The following NANP variants were observed in gnomAD, a reference collection of about 807,000 sequenced individuals.
NANP encodes the protein N-acylneuraminate-9-phosphatase.
NANP carries 15 observed loss-of-function variants against 16.9 expected under a neutral mutation model. The ratio of observed to expected loss-of-function variants is 0.89; its 90% CI spans 0.59 to 1.37. NANP has a LOEUF of 1.37. Ranked by LOEUF, NANP falls within the 40% of genes most tolerant of loss-of-function variation. NANP has a pLI of 0.00. For missense variants in NANP, 290 were observed against 303.5 expected (o/e 0.96, Z 0.33); for synonymous variants, 135 against 112.6 (o/e 1.20, Z -1.26).
rs958689417 is a variant in NANP, at chr20:25,623,725, C to G, written c.90+134G>C. 6.0e-6 allele frequency: 5 copies of G among 838,928 alleles called. No homozygotes were observed. In the African/African-American group the frequency reaches 7.2e-5, roughly 12 times the overall value. The allele number at this position is 838,928 out of a possible 1,614,324, so 52.0% of individuals were successfully genotyped here. On this transcript the variant is annotated intron_variant, in intron 1 of 1. Coordinates refer to ENST00000304788, the MANE Select transcript of NANP (RefSeq NM_152667.3). Reference sequence around the variant, plus strand: ...GCCTCCAGCCACCTCCGCACCCGCACGCTCCACAGGTTTCAACCAGCAAGA... The same window carrying G: ...GCCTCCAGCCACCTCCGCACCCGCAGGCTCCACAGGTTTCAACCAGCAAGA...
At chr20:25,618,028 G>C (rs866843252) in intron 1 of NANP, among the ~76,000 whole-genome samples, 23 of 152,160 alleles carry the variant, frequency 1.5e-4, no homozygotes, top group African/African-American at 4.6e-4. Context: ...AGGCAGGGAA[G>C]TGCAGAACTG....
intron 1 of NANP, 59 bp downstream of exon 1, chr20:25,623,800 C>T: frequency 6.7e-7 from 1 of 1,499,368 alleles, no homozygotes; most frequent in Non-Finnish European, 9.1e-7. Flanking sequence ...GGTGAGCGTG[C>T]AGGACGGGGC....
At chr20:25,618,427 T>C (rs1445808380) in intron 1 of NANP, among the ~76,000 whole-genome samples, 6 of 152,134 alleles carry the variant, frequency 3.9e-5, no homozygotes, top group East Asian at 1.9e-4. Flanking sequence ...TGAGCCCAAA[T>C]GGAGGCATGT....
In NANP at chr20:25,613,700, C is replaced by CATTCTGTAT; in HGVS notation, c.*2224_*2225insATACAGAAT. 1 of 398,096 alleles carries CATTCTGTAT rather than the reference C, an allele frequency of 2.5e-6. No homozygotes were observed. Among genetic ancestry groups the CATTCTGTAT allele is most frequent in the Non-Finnish European group, 4.4e-6 (1 of 225,856 alleles). The allele number at this position is 398,096 out of a possible 1,614,324, so 24.7% of individuals were successfully genotyped here. A position where few individuals can be genotyped will look rare whatever the true frequency, so the allele number is the denominator to read the frequency against. Reference sequence around the variant, plus strand: ...AAATGGAATGTAATACATTACTGTACTCTGTAGAATACAAACTGTGAAGAC... The same window carrying CATTCTGTAT: ...AAATGGAATGTAATACATTACTGTACATTCTGTATTCTGTAGAATACAAACTGTGAAGAC... On this transcript the variant is annotated 3_prime_UTR_variant, in exon 2 of 2. Coordinates refer to ENST00000304788, the MANE Select transcript of NANP (RefSeq NM_152667.3).
intron 1 of NANP, among the ~76,000 whole-genome samples, chr20:25,622,796 T>C (rs1388950293): frequency 1.3e-5 from 2 of 152,170 alleles, no homozygotes; most frequent in Non-Finnish European, 2.9e-5. Context: ...GACATTACGA[T>C]GGATTTAGTA....
intron 1 of NANP, 64 bp downstream of exon 1, chr20:25,623,795 G>T: frequency 6.9e-7 from 1 of 1,449,706 alleles, no homozygotes; most frequent in East Asian, 2.3e-5. Flanking sequence ...GGGGAGGTGA[G>T]CGTGCAGGAC....
intron 1 of NANP, among the ~76,000 whole-genome samples, chr20:25,622,138 C>T (rs2065367025): frequency 6.6e-6 from 1 of 152,170 alleles, no homozygotes. Flanking sequence ...GGGAGGCATA[C>T]GATTTAGTCT....
At chr20:25,620,722 A>G (rs1267026799) in intron 1 of NANP, among the ~76,000 whole-genome samples, 2 of 152,138 alleles carry the variant, frequency 1.3e-5, no homozygotes, top group African/African-American at 4.8e-5. Context: ...GGAGTCCAGG[A>G]GTGTCCAATC....
rs185362049 is a variant in NANP at position 25,614,144 on chromosome 20, C to T, written c.*1781G>A. The T allele has an allele frequency of 4.2e-5, 12 of 287,244 alleles. No homozygotes were observed. The East Asian group carries it at 4.4e-4, about 10-fold the overall frequency. The allele number at this position is 287,244 out of a possible 1,614,324, so 17.8% of individuals were successfully genotyped here. A position where few individuals can be genotyped will look rare whatever the true frequency, so the allele number is the denominator to read the frequency against. ...AAAAATCTAGAGCGAAAAGTAAACA[C>T]GAAAGGGCATTTGCATGAGGCAGAG... is the stretch of plus-strand genomic sequence containing the variant. On this transcript the variant is annotated 3_prime_UTR_variant, in exon 2 of 2. Transcript: ENST00000304788.
At chr20:25,619,243 T>C (rs1313115325) in intron 1 of NANP, among the ~76,000 whole-genome samples, 5 of 151,446 alleles carry the variant, frequency 3.3e-5, no homozygotes, top group Non-Finnish European at 7.4e-5. Flanking sequence ...CTCACTTCAG[T>C]CCCCCGAATA....
rs2065330490 is a variant in NANP, at chr20:25,613,566, C to T, written c.*2359G>A. On this transcript the variant is annotated 3_prime_UTR_variant, in exon 2 of 2. Coordinates refer to ENST00000304788, the MANE Select transcript of NANP (RefSeq NM_152667.3). Reference sequence around the variant, plus strand: ...AATTTTAAGGAATATTATTCTAAAACAAAAAATATTAATAAAATCATAGGT... The same window carrying T: ...AATTTTAAGGAATATTATTCTAAAATAAAAAATATTAATAAAATCATAGGT... 1 of 365,010 alleles carries T rather than the reference C, an allele frequency of 2.7e-6. No homozygotes were observed. The highest frequency in any genetic ancestry group is 2.1e-5 in the African/African-American group (1 of 47,810). 22.6% of individuals were successfully genotyped at this position (365,010 alleles called of 1,614,324 possible).
At chr20:25,621,934 A>G (rs1276943907) in intron 1 of NANP, among the ~76,000 whole-genome samples, 1 of 152,234 alleles carries the variant, frequency 6.6e-6, no homozygotes, top group African/African-American at 2.4e-5. Context: ...ATTTGTATCC[A>G]TCCATCCAGC....
chr20:25,623,918 A>T lies in NANP; in HGVS notation c.31T>A (p.Phe11Ile). The part of the protein sequence containing the change: MGLSRVRAVF[F>I]DLDNTLIDTA... ...TCGATGAGAGTGTTGTCCAAGTCAA[A>T]GAAAACCGCCCGCACGCGGCTCAGC... Residue 11 changes from phenylalanine to isoleucine, a missense_variant, in exon 1 of 2, where the codon TTT becomes ATT. By Grantham distance (21) the Phe-to-Ile change is conservative. Coordinates refer to ENST00000304788, the MANE Select transcript of NANP (RefSeq NM_152667.3). 1 of 1,613,510 alleles carries T rather than the reference A, an allele frequency of 6.2e-7. No individual in the cohort carries two copies. Among genetic ancestry groups the T allele is most frequent in the Non-Finnish European group, 8.5e-7 (1 of 1,179,788 alleles).
In NANP at chr20:25,616,029, C is replaced by T; in HGVS notation, c.643G>A (p.Val215Met). 6.2e-7 allele frequency: 1 copy of T among 1,614,194 alleles called. No individual in the cohort carries two copies. Among genetic ancestry groups the T allele is most frequent in the Non-Finnish European group, 8.5e-7 (1 of 1,180,040 alleles). The part of the protein sequence containing the change: ...ATVWINKNGI[V>M]PLKSSPVPHY... Reference sequence around the variant, plus strand: ...GGAACTGGGGAGGACTTCAGTGGCACTATTCCATTTTTATTGATCCAGACT... The same window carrying T: ...GGAACTGGGGAGGACTTCAGTGGCATTATTCCATTTTTATTGATCCAGACT... Residue 215 changes from valine to methionine, a missense_variant, in exon 2 of 2, where the codon GTG (valine) becomes ATG (methionine). Coordinates refer to ENST00000304788, the MANE Select transcript of NANP (RefSeq NM_152667.3).
chr20:25,613,656 C>T lies in NANP; in HGVS notation c.*2269G>A, dbSNP rs1372856708. 5.0e-6 allele frequency: 2 copies of T among 396,930 alleles called. No homozygotes were observed. Among genetic ancestry groups the T allele is most frequent in the Non-Finnish European group, 8.9e-6 (2 of 225,558 alleles). The allele number at this position is 396,930 out of a possible 1,614,324, so 24.6% of individuals were successfully genotyped here. On this transcript the variant is annotated 3_prime_UTR_variant, in exon 2 of 2. Coordinates refer to ENST00000304788, the MANE Select transcript of NANP (RefSeq NM_152667.3). The stretch of plus-strand genomic sequence containing the variant: ...TCAGAAGGTAGATAACCACAAAGTT[C>T]TTCCCTAAGGAAGGGTGCAAATGGA...
intron 1 of NANP, 104 bp from the exon 2 acceptor site, chr20:25,616,685 C>A: frequency 1.1e-6 from 1 of 894,596 alleles, no homozygotes; most frequent in Non-Finnish European, 1.7e-6. Flanking sequence ...AACTCCACTC[C>A]TCTGCTTTAA....
rs1385043135 is a variant in NANP at position 25,616,538 on chromosome 20, G to C, written c.134C>G (p.Ala45Gly). 3.7e-6 allele frequency: 6 copies of C among 1,607,752 alleles called. No individual in the cohort carries two copies. The highest frequency in any genetic ancestry group is 5.1e-6 in the Non-Finnish European group (6 of 1,177,802). Residue 45 changes from alanine (A) to glycine (G), a missense_variant, in exon 2 of 2, where the codon GCT (alanine) becomes GGT (glycine). Transcript: ENST00000304788. ...LQSKYHYKEE[A>G]EIICDKVQVK... The stretch of plus-strand genomic sequence containing the variant: ...TTGAACTTTATCACAGATGATTTCA[G>C]CCTCTTCTTTATAATGGTATTTTGA...
intron 1 of NANP, 28 bp from the exon 2 acceptor site, chr20:25,616,609 C>A: frequency 1.3e-6 from 2 of 1,509,024 alleles, no homozygotes; most frequent in Non-Finnish European, 1.8e-6. Flanking sequence ...ACTCCATTAA[C>A]ACATTGCATG....
Position 25,614,628 on chromosome 20 carries a change from TAAG to T in NANP, c.*1294_*1296del, listed in dbSNP as rs1220466790. The T allele has an allele frequency of 2.0e-5, 3 of 152,180 alleles. No individual in the cohort carries two copies. The highest frequency in any genetic ancestry group is 4.4e-5 in the Non-Finnish European group (3 of 68,030). 9.4% of individuals were successfully genotyped at this position (152,180 alleles called of 1,614,324 possible). A position where few individuals can be genotyped will look rare whatever the true frequency, so the allele number is the denominator to read the frequency against. ...GGAAATTTAAGGCAGATGGTAACTC[TAAG>T]AAGAGTCACACGAGTATTAAATTGG... On this transcript the variant is annotated 3_prime_UTR_variant, in exon 2 of 2. Coordinates refer to ENST00000304788, the MANE Select transcript of NANP (RefSeq NM_152667.3).
Sources: gnomAD v4.1 joint callset for allele counts (sites outside exome capture counted in the v4.1 genomes callset) on GRCh38, gnomAD v4.1.1 for gene constraint, MANE v1.5 for transcripts, NCBI Gene and HGNC (gene_info 2026-07-23, HGNC 2026-07-21) for gene names.